CMSS1: variants seen among roughly 807,000 people sequenced by gnomAD.
The protein encoded by CMSS1 is cms1 ribosomal small subunit homolog.
CMSS1 carries 33 observed loss-of-function variants against 43.5 expected under a neutral mutation model. That is an observed-to-expected ratio of 0.76 (90% confidence interval 0.57 to 1.01). The LOEUF is 1.01. Ranked by LOEUF, CMSS1 falls within the 50% of genes least tolerant of loss-of-function variation. CMSS1 has a pLI of 0.00. For missense variants in CMSS1, 313 were observed against 326.4 expected (o/e 0.96, Z 0.32); for synonymous variants, 115 against 117.2 (o/e 0.98, Z 0.12).
chr3:99,912,667 C>T (rs371825310), intron 1 of CMSS1, among the ~76,000 whole-genome samples: 4 of 152,172 alleles, frequency 2.6e-5, no homozygotes, highest in East Asian at 1.9e-4. Context: ...CATGAGCCAC[C>T]GCACCTGGCC....
chr3:100,115,039 T>C, intron 1 of CMSS1: 2 of 1,355,176 alleles, frequency 1.5e-6, no homozygotes, highest in Non-Finnish European at 2.0e-6. Flanking sequence ...TTTTATATTA[T>C]TCAAGTGTTA....
intron 1 of CMSS1, among the ~76,000 whole-genome samples, chr3:100,102,505 T>C (rs1259350570): frequency 6.6e-6 from 1 of 152,224 alleles, no homozygotes; most frequent in Non-Finnish European, 1.5e-5. Context: ...CTCTCTTTTC[T>C]TCAAATTACT....
At chr3:100,108,406 A>G (rs1447146206) in intron 1 of CMSS1, among the ~76,000 whole-genome samples, 1 of 152,188 alleles carries the variant, frequency 6.6e-6, no homozygotes, top group Non-Finnish European at 1.5e-5. Context: ...CAAGGCAGGT[A>G]CAATTCTTAT....
At chr3:100,075,327 A>G (rs2065833008) in intron 1 of CMSS1, among the ~76,000 whole-genome samples, 1 of 152,258 alleles carries the variant, frequency 6.6e-6, no homozygotes, top group South Asian at 2.1e-4. Flanking sequence ...GGATACAGAG[A>G]CAACCCACAG....
chr3:100,149,869 T>G (rs2066888766), intron 2 of CMSS1, among the ~76,000 whole-genome samples: 1 of 152,192 alleles, frequency 6.6e-6, no homozygotes, highest in African/African-American at 2.4e-5. Flanking sequence ...TCCCAGCTTG[T>G]GAGCTGTCCC....
chr3:99,933,805 C>T (rs1435946601), intron 1 of CMSS1, among the ~76,000 whole-genome samples: 2 of 152,128 alleles, frequency 1.3e-5, no homozygotes, highest in Non-Finnish European at 2.9e-5. Flanking sequence ...CCTGGTGCTC[C>T]ATACATAATG....
intron 1 of CMSS1, among the ~76,000 whole-genome samples, chr3:99,841,233 A>G (rs1417684298): frequency 1.3e-5 from 2 of 152,250 alleles, no homozygotes; most frequent in South Asian, 2.1e-4. Flanking sequence ...CCCAGAGTAT[A>G]TGTACATTTG....
intron 1 of CMSS1, among the ~76,000 whole-genome samples, chr3:99,918,241 G>A (rs932610392): frequency 3.9e-5 from 6 of 152,122 alleles, no homozygotes; most frequent in Admixed American, 1.3e-4. Context: ...TTCCCAAAGT[G>A]CTAGGATTAC....
At chr3:100,124,766 G>C (rs1436850015) in intron 1 of CMSS1, among the ~76,000 whole-genome samples, 1 of 152,182 alleles carries the variant, frequency 6.6e-6, no homozygotes, top group African/African-American at 2.4e-5. Flanking sequence ...CAAGGCTCTG[G>C]GGACAGGACC....
chr3:100,154,885 T>A (rs2066957349), intron 2 of CMSS1, among the ~76,000 whole-genome samples: 1 of 152,106 alleles, frequency 6.6e-6, no homozygotes, highest in Non-Finnish European at 1.5e-5. Context: ...GGCAGGAGAA[T>A]CATTTGAACC....
chr3:100,043,502 A>G (rs1021317239), intron 1 of CMSS1, among the ~76,000 whole-genome samples: 2 of 152,036 alleles, frequency 1.3e-5, no homozygotes, highest in African/African-American at 2.4e-5. Context: ...GGTATTTATT[A>G]TGTCTCATTT....
At chr3:99,873,143 A>T (rs763213055) in intron 1 of CMSS1, among the ~76,000 whole-genome samples, 1 of 152,180 alleles carries the variant, frequency 6.6e-6, no homozygotes, top group African/African-American at 2.4e-5. Context: ...GACAGCAGCA[A>T]CCACAGAAAT....
chr3:99,962,831 C>A (rs1439920227), intron 1 of CMSS1, among the ~76,000 whole-genome samples: 1 of 152,170 alleles, frequency 6.6e-6, no homozygotes, highest in African/African-American at 2.4e-5. Flanking sequence ...AGATTTAAGT[C>A]ATAGATGAAG....
At chr3:100,057,615 G>T (rs2065487530) in intron 1 of CMSS1, among the ~76,000 whole-genome samples, 1 of 152,200 alleles carries the variant, frequency 6.6e-6, no homozygotes, top group Non-Finnish European at 1.5e-5. Context: ...TCTGTTACCA[G>T]TTAGTTCAGT....
At chr3:99,956,815 C>T (rs1456322006) in intron 1 of CMSS1, among the ~76,000 whole-genome samples, 1 of 152,146 alleles carries the variant, frequency 6.6e-6, no homozygotes, top group African/African-American at 2.4e-5. Context: ...TTCCCTGCTC[C>T]CCACTCTGCC....
At chr3:99,861,712 T>C (rs1944265235) in intron 1 of CMSS1, among the ~76,000 whole-genome samples, 1 of 152,148 alleles carries the variant, frequency 6.6e-6, no homozygotes, top group African/African-American at 2.4e-5. Flanking sequence ...GCAGGTGGAA[T>C]GACTGACAGC....
intron 1 of CMSS1, among the ~76,000 whole-genome samples, chr3:100,065,293 T>C (rs1037986777): frequency 6.6e-5 from 10 of 152,216 alleles, no homozygotes; most frequent in African/African-American, 2.4e-4. Flanking sequence ...TTTCCTGCTA[T>C]AGTTTGAGAA....
At chr3:100,164,367 A>G (rs887159145) in intron 4 of CMSS1, among the ~76,000 whole-genome samples, 1 of 152,236 alleles carries the variant, frequency 6.6e-6, no homozygotes, top group African/African-American at 2.4e-5. Context: ...CTCATGGAAC[A>G]TCGTAAACCT....
chr3:99,824,720 T>C (rs1559646231), intron 1 of CMSS1, among the ~76,000 whole-genome samples: 1 of 152,222 alleles, frequency 6.6e-6, no homozygotes, highest in Non-Finnish European at 1.5e-5. Context: ...CTTGTAAAAC[T>C]GTGTCTAACA....
Sources: gnomAD v4.1 joint callset for allele counts (sites outside exome capture counted in the v4.1 genomes callset) on GRCh38, gnomAD v4.1.1 for gene constraint, MANE v1.5 for transcripts, NCBI Gene and HGNC (gene_info 2026-07-23, HGNC 2026-07-21) for gene names.